TMEM67: variants seen among roughly 807,000 people sequenced by gnomAD.
The protein encoded by TMEM67 is meckelin.
TMEM67 carries 124 observed loss-of-function variants against 136.6 expected under a neutral mutation model. The observed-to-expected ratio is 0.91, with a 90% CI of 0.78 to 1.05. The LOEUF is 1.05. TMEM67 is among the 50% of genes least tolerant of loss of function. TMEM67 has a pLI of 0.00. For synonymous variants in TMEM67, 364 were observed against 390.5 expected (o/e 0.93, Z 0.80); for missense variants, 1,107 against 1,178.4 (o/e 0.94, Z 0.89).
chr8:93,785,592 T>A, intron 12 of TMEM67: 1 of 521,668 alleles, frequency 1.9e-6, no homozygotes, highest in Non-Finnish European at 3.4e-6. Context: ...TAAGAAATTA[T>A]ACTGTTGCTG....
chr8:93,781,445 T>C (rs1169757632), intron 9 of TMEM67, among the ~76,000 whole-genome samples: 1 of 152,222 alleles, frequency 6.6e-6, no homozygotes, highest in Non-Finnish European at 1.5e-5. Context: ...TAGTGCTGCC[T>C]CTCAATTCTA....
At chr8:93,808,528 TA>T (rs1586089553) in intron 23 of TMEM67, among the ~76,000 whole-genome samples, 808 of 7,654 alleles carry the variant, frequency 0.11, no homozygotes, top group South Asian at 0.15. Flanking sequence ...TTATAATCTA[TA>T]TATATCTATA....
intron 27 of TMEM67, 49 bp downstream of exon 27, chr8:93,815,496 A>C (rs1808872833): frequency 6.6e-7 from 1 of 1,508,410 alleles, no homozygotes; most frequent in Non-Finnish European, 9.2e-7. Context: ...CTTGAGAGAA[A>C]TATGTTAGAA....
At chr8:93,792,670 TA>T (rs2130716549) in intron 15 of TMEM67, among the ~76,000 whole-genome samples, 1 of 152,066 alleles carries the variant, frequency 6.6e-6, no homozygotes, top group South Asian at 2.1e-4. Context: ...AACTCATATT[TA>T]TTTTATTCTA....
chr8:93,814,035 A>G (rs1444355370), intron 26 of TMEM67, among the ~76,000 whole-genome samples: 1 of 152,070 alleles, frequency 6.6e-6, no homozygotes, highest in Non-Finnish European at 1.5e-5. Context: ...GCCCTCTTGT[A>G]TAAAGCAGAT....
chr8:93,826,856 T>A, the TMEM67 span, among the ~76,000 whole-genome samples: 1 of 152,164 alleles, frequency 6.6e-6, no homozygotes, highest in African/African-American at 2.4e-5. Flanking sequence ...TGAGATAGAG[T>A]CTCGCTTTTG....
intron 7 of TMEM67, among the ~76,000 whole-genome samples, chr8:93,773,420 A>T (rs1813407718): frequency 6.6e-6 from 1 of 152,210 alleles, no homozygotes; most frequent in African/African-American, 2.4e-5. Flanking sequence ...TGAAAGGATC[A>T]TTGTAGCATG....
chr8:93,759,398 G>C (rs1253136750), intron 3 of TMEM67: 1 of 150,840 alleles, frequency 6.6e-6, no homozygotes, highest in Non-Finnish European at 1.5e-5. Context: ...GGAAGGTCAA[G>C]GCTACAGTGA....
intron 7 of TMEM67, among the ~76,000 whole-genome samples, chr8:93,778,112 CTTCT>C (rs1412830067): frequency 1.3e-5 from 2 of 152,148 alleles, no homozygotes; most frequent in East Asian, 3.8e-4. Context: ...ATGTAATGCC[CTTCT>C]TTGTCTCTTT....
At position 93,804,805 on chromosome 8, in the gene TMEM67, T is replaced by A; in HGVS notation, c.2366T>A (p.Ile789Asn). ...LLSHKCFGYY[I>N]HGRSVHGHAD... The stretch of plus-strand genomic sequence containing the variant: ...TCCCACAAATGTTTTGGATATTACA[T>A]TCATGGTAGATCAGTACATGGGCAT... The change falls in exon 23 of 28, where the codon ATT (isoleucine) becomes AAT (asparagine). Residue 789 changes from isoleucine (I) to asparagine (N), a missense_variant. Physicochemically the swap from Ile to Asn is moderately radical, Grantham distance 149. Transcript: ENST00000453321. The A allele has an allele frequency of 6.2e-7, 1 of 1,608,790 alleles. No individual in the cohort carries two copies. Among genetic ancestry groups the A allele is most frequent in the Non-Finnish European group, 8.5e-7 (1 of 1,175,528 alleles).
chr8:93,790,775 A>G lies in TMEM67; in HGVS notation c.1519-488A>G, dbSNP rs527422887. On this transcript the variant is annotated intron_variant, in intron 14 of 27. Coordinates refer to ENST00000453321, the MANE Select transcript of TMEM67 (RefSeq NM_153704.6). Reference sequence around the variant, plus strand: ...TCTTGAAACTCCCTATTCTGTGACCATGGTAAGACTTAGGTATCTTCCTCT... The same window carrying G: ...TCTTGAAACTCCCTATTCTGTGACCGTGGTAAGACTTAGGTATCTTCCTCT... Among the ~76,000 whole-genome samples the G allele has an allele frequency of 7.2e-5, 11 of 152,286 alleles. No individual in the cohort carries two copies. In the South Asian group the frequency reaches 1.7e-3, roughly 23 times the overall value.
the TMEM67 span, among the ~76,000 whole-genome samples, chr8:93,825,220 C>T: frequency 0.016 from 2,472 of 152,326 alleles, 72 homozygotes; most frequent in African/African-American, 0.054. Context: ...ACTTATTTGA[C>T]TGCTTCTGTG....
At chr8:93,799,042 G>A (rs1255302370) in intron 20 of TMEM67, among the ~76,000 whole-genome samples, 1 of 151,568 alleles carries the variant, frequency 6.6e-6, no homozygotes. Context: ...GGTCAAGTAA[G>A]TTTGGAAAAT....
Position 93,795,965 on chromosome 8 carries a change from T to C in TMEM67, c.1838T>C (p.Val613Ala), listed in dbSNP as rs752914322. The C allele has an allele frequency of 1.9e-6, 3 of 1,613,268 alleles. No homozygotes were observed. Among genetic ancestry groups the C allele is most frequent in the Admixed American group, 3.3e-5 (2 of 59,994 alleles). Residue 613 changes from valine (V) to alanine (A), a missense_variant, in exon 18 of 28, where the codon GTT becomes GCT. By Grantham distance (64) the Val-to-Ala change is moderately conservative (BLOSUM62 0). Coordinates refer to ENST00000453321, the MANE Select transcript of TMEM67 (RefSeq NM_153704.6). ...CAGGAAGAACGTTTTGTCACTTATGTTGGATGTGCCTTTGCTCTGAAGGTA... is the reference window on the plus strand; with the variant it reads ...CAGGAAGAACGTTTTGTCACTTATGCTGGATGTGCCTTTGCTCTGAAGGTA... ...PIQEERFVTYVGCAFALKALQ... is the reference protein window; with the variant it reads ...PIQEERFVTYAGCAFALKALQ...
At chr8:93,822,048 A>G (rs146961954), downstream of TMEM67, among the ~76,000 whole-genome samples, 119 of 152,352 alleles carry the variant, frequency 7.8e-4, no homozygotes, top group African/African-American at 2.7e-3. Context: ...AGAAGACCCC[A>G]TTATAAGAAT....
intron 6 of TMEM67, among the ~76,000 whole-genome samples, chr8:93,766,155 G>T (rs1024390619): frequency 1.3e-5 from 2 of 151,632 alleles, no homozygotes; most frequent in Non-Finnish European, 2.9e-5. Context: ...ATGGAGTCTC[G>T]CTCTGTTGCC....
intron 1 of TMEM67, 74 bp downstream of exon 1, chr8:93,755,211 A>G: frequency 1.5e-6 from 2 of 1,354,660 alleles, no homozygotes; most frequent in African/African-American, 1.4e-5. Context: ...CCGTAAATGG[A>G]GTTTCACCAT....
chr8:93,828,298 A>G, the TMEM67 span, among the ~76,000 whole-genome samples: 3,136 of 152,262 alleles, frequency 0.021, 99 homozygotes, highest in African/African-American at 0.071. Flanking sequence ...GTGTTTTCAG[A>G]GAAGACACCA....
intron 23 of TMEM67, among the ~76,000 whole-genome samples, chr8:93,808,280 C>A (rs1339683528): frequency 1.4e-5 from 2 of 138,186 alleles, no homozygotes; most frequent in African/African-American, 5.3e-5. Flanking sequence ...AATATATATA[C>A]CTATTATGGA....
Sources: allele counts gnomAD v4.1 joint callset (sites outside exome capture counted in the v4.1 genomes callset), GRCh38; gene constraint gnomAD v4.1.1; transcripts MANE v1.5; gene names NCBI Gene and HGNC (gene_info 2026-07-23, HGNC 2026-07-21).